The following PTPRN2 variants were observed in gnomAD, a reference collection of about 807,000 sequenced individuals.
PTPRN2 encodes the protein protein tyrosine phosphatase receptor type N2.
PTPRN2 carries 74 observed loss-of-function variants against 118.8 expected under a neutral mutation model. The ratio of observed to expected loss-of-function variants is 0.62; its 90% CI spans 0.52 to 0.76. The LOEUF is 0.76. PTPRN2 is among the 30% of genes least tolerant of loss of function. The probability of loss-of-function intolerance (pLI) is 0.00; values close to 1 mark genes in which losing one functional copy is unlikely to be tolerated. For missense variants in PTPRN2, 1,481 were observed against 1,394.4 expected (o/e 1.06, Z -0.99); for synonymous variants, 641 against 608.0 (o/e 1.05, Z -0.80).
intron 12 of PTPRN2, among the ~76,000 whole-genome samples, chr7:157,890,444 A>G (rs1213342949): frequency 6.6e-6 from 1 of 152,184 alleles, no homozygotes; most frequent in South Asian, 2.1e-4. Context: ...CATCAAAACC[A>G]TCCTGGCTAA....
At position 158,110,888 on chromosome 7, in the gene PTPRN2, C is replaced by T. The variant is rs1816195045; in HGVS notation, c.1584G>A (p.Arg528=). The change falls in exon 10 of 23, where the codon CGG becomes CGA. Residue 528 remains arginine (R), a synonymous_variant. Coordinates refer to ENST00000389418, the MANE Select transcript of PTPRN2 (RefSeq NM_002847.5). ...RDPLRPEEGR[R]LVEDVARLLQ... ...GGAGGCGGGCGACGTCCTCCACCAG[C>T]CGCCTTCCTTCCTCGGGGCGCAGGG... 8 of 1,581,538 alleles carry T rather than the reference C, an allele frequency of 5.1e-6. No individual in the cohort carries two copies. The highest frequency in any genetic ancestry group is 6.9e-6 in the Non-Finnish European group (8 of 1,164,024).
chr7:157,651,764 C>T (rs1026937790), intron 14 of PTPRN2, among the ~76,000 whole-genome samples: 2 of 152,242 alleles, frequency 1.3e-5, no homozygotes, highest in African/African-American at 4.8e-5. Flanking sequence ...CTTTGATAAC[C>T]GTCCTGCGAA....
chr7:158,464,854 C>T (rs1269968364), intron 2 of PTPRN2, among the ~76,000 whole-genome samples: 1 of 152,250 alleles, frequency 6.6e-6, no homozygotes, highest in Non-Finnish European at 1.5e-5. Flanking sequence ...TCCTTACCAT[C>T]GCTATCATTG....
intron 2 of PTPRN2, among the ~76,000 whole-genome samples, chr7:158,443,546 G>A (rs1817509619): frequency 6.6e-6 from 1 of 152,164 alleles, no homozygotes; most frequent in African/African-American, 2.4e-5. Context: ...CTCAGGGAGG[G>A]GAGGAAGCAG....
At chr7:158,435,667 C>T (rs183119507) in intron 2 of PTPRN2, among the ~76,000 whole-genome samples, 1 of 152,292 alleles carries the variant, frequency 6.6e-6, no homozygotes, top group East Asian at 1.9e-4. Context: ...GATGTGGCCA[C>T]AACCCAAATG....
At chr7:158,534,430 G>T (rs1369814277) in intron 1 of PTPRN2, among the ~76,000 whole-genome samples, 1 of 152,182 alleles carries the variant, frequency 6.6e-6, no homozygotes, top group African/African-American at 2.4e-5. Context: ...CTCTGTCAGG[G>T]ATGGCTGTGG....
Position 157,784,825 on chromosome 7 carries a change from G to A in PTPRN2, c.1789-101888C>T, listed in dbSNP as rs573359886. 6.6e-6 allele frequency among the ~76,000 whole-genome samples: 1 copy of A among 152,278 alleles called. No individual in the cohort carries two copies. Among genetic ancestry groups the A allele is most frequent in the South Asian group, 2.1e-4 (1 of 4,818 alleles). On this transcript the variant is annotated intron_variant, in intron 12 of 22. Coordinates refer to ENST00000389418, the MANE Select transcript of PTPRN2 (RefSeq NM_002847.5). The surrounding 1 kb of genome is among the most constrained non-coding windows in gnomAD (Gnocchi z 4.6). ...GAAGGAAATGAACCCATCGTGTGGG[G>A]CGACATAGGGGCCCAGGGGGCCTGG...
chr7:157,703,042 AAT>A (rs1419701855), intron 12 of PTPRN2, among the ~76,000 whole-genome samples: 1 of 152,224 alleles, frequency 6.6e-6, no homozygotes, highest in Admixed American at 6.5e-5. Context: ...AGTTTGGAAA[AAT>A]AGAGAAATAA....
chr7:157,590,525 T>C lies in PTPRN2; in HGVS notation c.2496+4713A>G, dbSNP rs569288239. On this transcript the variant is annotated intron_variant, in intron 17 of 22. Transcript: ENST00000389418. The surrounding 1 kb of genome is among the most constrained non-coding windows in gnomAD (Gnocchi z 4.0). ...TCTTGAAATGCATCCAGTGTCCATA[T>C]AGAGCTGGTTCACTGCAGGAAAGCA... is the stretch of plus-strand genomic sequence containing the variant. 5.8e-4 allele frequency among the ~76,000 whole-genome samples: 89 copies of C among 152,352 alleles called. No individual in the cohort carries two copies. The South Asian group carries it at 0.018, about 31-fold the overall frequency.
intron 11 of PTPRN2, among the ~76,000 whole-genome samples, chr7:157,935,018 T>A (rs752909094): frequency 1.3e-5 from 2 of 152,236 alleles, no homozygotes; most frequent in Non-Finnish European, 2.9e-5. Context: ...AAGAATGAAG[T>A]CAGTCCTCAT....
At chr7:158,079,585 T>C (rs1185301785) in intron 11 of PTPRN2, among the ~76,000 whole-genome samples, 1 of 152,256 alleles carries the variant, frequency 6.6e-6, no homozygotes, top group African/African-American at 2.4e-5. Context: ...TCCAGTGGCA[T>C]TGCTCCCCAG....
At chr7:157,915,422 T>C (rs908858978) in intron 11 of PTPRN2, among the ~76,000 whole-genome samples, 1 of 151,982 alleles carries the variant, frequency 6.6e-6, no homozygotes, top group African/African-American at 2.4e-5. Context: ...GTTAATGTCC[T>C]AAGGGAAAAT....
intron 2 of PTPRN2, among the ~76,000 whole-genome samples, chr7:158,484,806 C>T (rs1185225896): frequency 1.3e-5 from 2 of 152,220 alleles, no homozygotes; most frequent in Non-Finnish European, 2.9e-5. Context: ...CAGCACTCCA[C>T]CATCACAGAC....
chr7:158,411,842 G>A (rs1268848989), intron 2 of PTPRN2, among the ~76,000 whole-genome samples: 1 of 152,152 alleles, frequency 6.6e-6, no homozygotes, highest in Non-Finnish European at 1.5e-5. Context: ...GTGGCTCAGG[G>A]GACAATAGGC....
At chr7:158,041,606 C>A (rs1447641058) in intron 11 of PTPRN2, among the ~76,000 whole-genome samples, 1 of 152,064 alleles carries the variant, frequency 6.6e-6, no homozygotes, top group South Asian at 2.1e-4. Context: ...CCACTGCACT[C>A]CAGCCTCGGT....
chr7:158,134,521 T>C (rs1238392688), intron 8 of PTPRN2, among the ~76,000 whole-genome samples: 1 of 152,166 alleles, frequency 6.6e-6, no homozygotes, highest in Non-Finnish European at 1.5e-5. Flanking sequence ...AAATGCGTTA[T>C]CTGCATGAAC....
chr7:158,372,220 C>A (rs1189956025), intron 2 of PTPRN2, among the ~76,000 whole-genome samples: 1 of 151,880 alleles, frequency 6.6e-6, no homozygotes, highest in African/African-American at 2.4e-5. Flanking sequence ...AGCTGGACAC[C>A]CCCAGGCTGG....
intron 1 of PTPRN2, among the ~76,000 whole-genome samples, chr7:158,572,704 T>C (rs745624654): frequency 3.9e-5 from 6 of 152,178 alleles, no homozygotes; most frequent in Non-Finnish European, 7.4e-5. Flanking sequence ...TCCAGATCTG[T>C]TTTTGGTGCC....
intron 12 of PTPRN2, among the ~76,000 whole-genome samples, chr7:157,849,601 G>A (rs1240328341): frequency 1.3e-5 from 2 of 152,228 alleles, no homozygotes; most frequent in African/African-American, 2.4e-5. Context: ...CAAGGTTGGT[G>A]TGAACACCTG....
Sources: gnomAD v4.1 joint callset for allele counts (sites outside exome capture counted in the v4.1 genomes callset) on GRCh38, gnomAD v4.1.1 for gene constraint, Gnocchi (gnomAD v3.1) non-coding constraint, MANE v1.5 for transcripts, NCBI Gene and HGNC (gene_info 2026-07-23, HGNC 2026-07-21) for gene names.